The following SIRT5 variants were observed in gnomAD, a reference collection of about 807,000 sequenced individuals.
The protein encoded by SIRT5 is sirtuin 5, also known as NAD-dependent protein deacylase sirtuin-5, mitochondrial.
Under a neutral mutation model 40.0 loss-of-function variants are expected in SIRT5, and 26 were observed. That is an observed-to-expected ratio of 0.65 (90% CI 0.48 to 0.90). SIRT5 has a LOEUF of 0.90. Ranked by LOEUF, SIRT5 falls within the 40% of genes least tolerant of loss-of-function variation. The pLI, the probability that SIRT5 is intolerant of heterozygous loss-of-function variation, is 0.00. For missense variants in SIRT5, 401 were observed against 402.4 expected, an observed-to-expected ratio of 1.00 and a Z score of 0.03; for synonymous variants, 146 against 149.1, an observed-to-expected ratio of 0.98 and a Z score of 0.15.
chr6:13,597,508 AC>A (rs2127681446), intron 7 of SIRT5, among the ~76,000 whole-genome samples: 1 of 151,276 alleles, frequency 6.6e-6, no homozygotes, highest in South Asian at 2.1e-4. Context: ...CACTTCTATA[AC>A]CTGTAATTGG....
intron 2 of SIRT5, 28 bp from the exon 3 acceptor site, chr6:13,584,048 A>G: frequency 9.6e-7 from 1 of 1,041,638 alleles, no homozygotes; most frequent in South Asian, 1.4e-5. Context: ...TTGTTTCTAC[A>G]CTATTTGTTT....
chr6:13,578,591 G>C (rs1358645161), intron 1 of SIRT5, among the ~76,000 whole-genome samples: 1 of 148,572 alleles, frequency 6.7e-6, no homozygotes, highest in Non-Finnish European at 1.5e-5. Flanking sequence ...CACTGCAGCT[G>C]GGGGGACAGA....
intron 9 of SIRT5, among the ~76,000 whole-genome samples, chr6:13,606,498 C>T (rs1414936656): frequency 4.6e-5 from 7 of 152,106 alleles, no homozygotes; most frequent in South Asian, 2.1e-4. Context: ...GGAAGTCCAG[C>T]GCTCTCCCTG....
At position 13,600,888 on chromosome 6, in the gene SIRT5, G is replaced by T. The variant is rs200008874; in HGVS notation, c.796G>T (p.Ala266Ser). 2.5e-6 allele frequency: 4 copies of T among 1,614,036 alleles called. No homozygotes were observed. Among genetic ancestry groups the T allele is most frequent in the Admixed American group, 1.7e-5 (1 of 60,004 alleles). The change falls in exon 9 of 10, where the codon GCC (alanine) becomes TCC (serine). Residue 266 changes from alanine (A) to serine (S), a missense_variant. Transcript: ENST00000606117. Reference protein sequence around the residue: ...PAAMFAPQVAARGVPVAEFNT... With the variant: ...PAAMFAPQVASRGVPVAEFNT... ...AGCCATGTTTGCCCCCCAGGTGGCT[G>T]CCAGGGGCGTGCCAGTGGCTGAATT... is the stretch of plus-strand genomic sequence containing the variant.
intron 3 of SIRT5, 150 bp downstream of exon 3, chr6:13,584,375 G>A (rs1366376712): frequency 1.1e-5 from 7 of 649,220 alleles, no homozygotes; most frequent in Admixed American, 5.2e-5. Context: ...TTTTTGAGAC[G>A]GAGTCTTGCT....
intron 3 of SIRT5, among the ~76,000 whole-genome samples, chr6:13,584,627 G>T (rs578052702): frequency 6.6e-6 from 1 of 152,302 alleles, no homozygotes; most frequent in East Asian, 1.9e-4. Flanking sequence ...GGGATTACAG[G>T]CATGAGCCAC....
At chr6:13,604,767 A>G in intron 9 of SIRT5, 1 of 1,205,670 alleles carries the variant, frequency 8.3e-7, no homozygotes, top group African/African-American at 1.6e-5. Context: ...GCTCAAGTCA[A>G]GCCTCCTAAA....
At chr6:13,599,001 C>T (rs199691704) in intron 7 of SIRT5, 31 bp from the exon 8 acceptor site, 125 of 1,610,682 alleles carry the variant, frequency 7.8e-5, no homozygotes, top group Middle Eastern at 1.7e-4. Flanking sequence ...AGACTTGGCT[C>T]GGGGTTGGCT....
At chr6:13,599,210 C>T in intron 8 of SIRT5, 55 bp downstream of exon 8, 1 of 1,557,092 alleles carries the variant, frequency 6.4e-7, no homozygotes, top group Non-Finnish European at 8.7e-7. Flanking sequence ...TTATTTTTTC[C>T]TTCCCCCTCT....
Position 13,612,058 on chromosome 6 carries a change from A to C in SIRT5, c.*193A>C. ...AAGAGCACCCACATTCAAAAGTCAC[A>C]GAACTGGAAAGTTAATTCATATTAT... On this transcript the variant is annotated 3_prime_UTR_variant, in exon 10 of 10. Transcript: ENST00000606117. The C allele has an allele frequency of 1.6e-5, 7 of 446,802 alleles. No individual in the cohort carries two copies. Among genetic ancestry groups the C allele is most frequent in the Non-Finnish European group, 2.4e-5 (6 of 250,098 alleles). 27.7% of individuals were successfully genotyped at this position (446,802 alleles called of 1,614,324 possible).
chr6:13,596,416 T>C (rs1216296151), intron 6 of SIRT5, among the ~76,000 whole-genome samples: 3 of 152,040 alleles, frequency 2.0e-5, no homozygotes, highest in Non-Finnish European at 4.4e-5. Flanking sequence ...AAACATGAAG[T>C]TCCCCCTTGG....
At chr6:13,603,809 G>A (rs1762736352) in intron 9 of SIRT5, among the ~76,000 whole-genome samples, 5 of 152,194 alleles carry the variant, frequency 3.3e-5, no homozygotes, top group Admixed American at 2.6e-4. Context: ...TCCATCGACT[G>A]AAGGATGAAT....
rs913721892 is a variant in SIRT5, at chr6:13,582,472, C to T, written c.-35-1604C>T. ...CATTTCATCTTGTAAAACTGAAGCT[C>T]TATACTCATTATTTTTAAGTAAAAT... On this transcript the variant is annotated intron_variant, in intron 2 of 9. Coordinates refer to ENST00000606117, the MANE Select transcript of SIRT5 (RefSeq NM_012241.5). 3.3e-5 allele frequency among the ~76,000 whole-genome samples: 5 copies of T among 152,160 alleles called. No individual in the cohort carries two copies. The East Asian group carries it at 9.6e-4, about 29-fold the overall frequency.
intron 7 of SIRT5, 58 bp downstream of exon 7, chr6:13,597,074 AC>A: frequency 1.5e-6 from 2 of 1,323,654 alleles, no homozygotes; most frequent in Non-Finnish European, 2.1e-6. Context: ...AAAAAAAAAA[AC>A]AGACATCAAA....
rs1278453985 is a variant in SIRT5 at position 13,591,881 on chromosome 6, T to C, written c.462T>C (p.Leu154=). 1.2e-6 allele frequency: 2 copies of C among 1,612,766 alleles called. No individual in the cohort carries two copies. The highest frequency in any genetic ancestry group is 2.2e-5 in the East Asian group (1 of 44,842). Reference sequence around the variant, plus strand: ...ACCGCAAGGCTGGCACCAAGAACCTTCTGGAGATCCATGGTGAGAGACCCC... The same window carrying C: ...ACCGCAAGGCTGGCACCAAGAACCTCCTGGAGATCCATGGTGAGAGACCCC... ...ELHRKAGTKN[L]LEIHGSLFKT... Residue 154 remains leucine (L), a synonymous_variant, in exon 5 of 10, where the codon CTT becomes CTC. Transcript: ENST00000606117.
intron 2 of SIRT5, among the ~76,000 whole-genome samples, chr6:13,580,668 G>T (rs1019298676): frequency 4.0e-5 from 6 of 151,618 alleles, no homozygotes; most frequent in African/African-American, 1.5e-4. Context: ...TCTCGCTCCT[G>T]CTCTGGCCTT....
At chr6:13,605,613 C>G (rs552836762) in intron 9 of SIRT5, 1 of 985,420 alleles carries the variant, frequency 1.0e-6, no homozygotes, top group East Asian at 1.1e-4. Flanking sequence ...GAATGTATTT[C>G]TATTTTCAAG....
In SIRT5 at chr6:13,588,324, T is replaced by C; in HGVS notation, c.116-7T>C. The C allele has an allele frequency of 6.2e-7, 1 of 1,611,530 alleles. No individual in the cohort carries two copies. The highest frequency in any genetic ancestry group is 8.5e-7 in the Non-Finnish European group (1 of 1,179,280). Reference sequence around the variant, plus strand: ...CACTGGATTGATAAAGATTTCACTCTGTTTAGGTATGGCAGATTTTCGAAA... The same window carrying C: ...CACTGGATTGATAAAGATTTCACTCCGTTTAGGTATGGCAGATTTTCGAAA... On this transcript the variant is annotated splice_region_variant and splice_polypyrimidine_tract_variant and intron_variant, in intron 3 of 9. Transcript: ENST00000606117.
intron 9 of SIRT5, among the ~76,000 whole-genome samples, chr6:13,602,525 A>G (rs1762532687): frequency 6.6e-6 from 1 of 152,104 alleles, no homozygotes; most frequent in Non-Finnish European, 1.5e-5. Flanking sequence ...ACTTACTACA[A>G]AGTTGCAGTA....
Sources: gnomAD v4.1 joint callset for allele counts (sites outside exome capture counted in the v4.1 genomes callset) on GRCh38, gnomAD v4.1.1 for gene constraint, MANE v1.5 for transcripts, NCBI Gene and HGNC (gene_info 2026-07-23, HGNC 2026-07-21) for gene names.